MDGA2: variants seen among roughly 807,000 people sequenced by gnomAD.
The protein encoded by MDGA2 is MAM domain containing glycosylphosphatidylinositol anchor 2, also known as MAM domain-containing glycosylphosphatidylinositol anchor protein 2.
In MDGA2, 40 loss-of-function variants were observed where a neutral mutation model predicts 117.8. The observed-to-expected ratio is 0.34, with a 90% confidence interval of 0.26 to 0.44. The LOEUF is 0.44. Among genes scored for constraint, MDGA2 ranks in the 20% least tolerant of loss-of-function variants. The probability of loss-of-function intolerance (pLI) is 1.00; values close to 1 mark genes in which losing one functional copy is unlikely to be tolerated. For missense variants in MDGA2, 1,123 were observed against 1,250.6 expected, an observed-to-expected ratio of 0.90 and a Z score of 1.54; for synonymous variants, 452 against 439.0, an observed-to-expected ratio of 1.03 and a Z score of -0.37.
intron 14 of MDGA2, among the ~76,000 whole-genome samples, chr14:46,856,330 C>A (rs1566492909): frequency 1.3e-5 from 2 of 151,632 alleles, no homozygotes; most frequent in Non-Finnish European, 2.9e-5. Context: ...TAGTTTTAGA[C>A]TAATGTCTAC....
rs530839864 is a variant in MDGA2 at position 47,147,731 on chromosome 14, T to G, written c.596-3457A>C. ...AGTCAGATCTACTTGCTAGGTGTGA[T>G]AAATCTATCTGTGAAAAGCTATTCC... On this transcript the variant is annotated intron_variant, in intron 3 of 16. Transcript: ENST00000399232. Among the ~76,000 whole-genome samples, 13 of 152,312 alleles carry G rather than the reference T, an allele frequency of 8.5e-5. No individual in the cohort carries two copies. In the South Asian group the frequency reaches 2.3e-3, roughly 27 times the overall value.
chr14:47,577,163 G>A (rs535042032), intron 1 of MDGA2, among the ~76,000 whole-genome samples: 1 of 152,170 alleles, frequency 6.6e-6, no homozygotes, highest in South Asian at 2.1e-4. Flanking sequence ...GTAGAAATAA[G>A]CTGCTTGACA....
At chr14:46,908,675 C>T (rs999032028) in intron 10 of MDGA2, among the ~76,000 whole-genome samples, 4 of 152,116 alleles carry the variant, frequency 2.6e-5, no homozygotes, top group Admixed American at 6.6e-5. Flanking sequence ...CTGAAGATTT[C>T]TAATTTCTTA....
chr14:46,874,714 A>G (rs1882154053), intron 12 of MDGA2, among the ~76,000 whole-genome samples: 1 of 151,900 alleles, frequency 6.6e-6, no homozygotes, highest in Non-Finnish European at 1.5e-5. Context: ...AATTATTTTG[A>G]AAAGTATTTA....
chr14:46,923,032 T>C (rs1884193353), intron 9 of MDGA2, among the ~76,000 whole-genome samples: 1 of 152,234 alleles, frequency 6.6e-6, no homozygotes, highest in Non-Finnish European at 1.5e-5. Flanking sequence ...ATTATTTATC[T>C]AAATGAACAC....
Position 47,580,636 on chromosome 14 carries a change from A to G in MDGA2, c.280+93881T>C, listed in dbSNP as rs548737574. Among the ~76,000 whole-genome samples, 7 of 152,156 alleles carry G rather than the reference A, an allele frequency of 4.6e-5. 1 individual carries two copies. The South Asian group carries it at 1.2e-3, about 27-fold the overall frequency. ...CAGTAATCTCTGAAAAGAGGAGACT[A>G]CATGGAGTCTCTATATATTTGAAAG... On this transcript the variant is annotated intron_variant, in intron 1 of 16. Transcript: ENST00000399232.
At chr14:47,133,118 A>C (rs12893683) in intron 4 of MDGA2, among the ~76,000 whole-genome samples, 54,417 of 150,792 alleles carry the variant, frequency 0.36, 10,244 homozygotes, top group African/African-American at 0.47. Context: ...AAAAAAAAAA[A>C]AAACAAACAA....
intron 1 of MDGA2, among the ~76,000 whole-genome samples, chr14:47,404,467 T>C (rs1462979770): frequency 1.3e-5 from 2 of 150,846 alleles, no homozygotes; most frequent in Non-Finnish European, 1.5e-5. Flanking sequence ...GTTATAGGCG[T>C]GAGCCACAGC....
intron 1 of MDGA2, among the ~76,000 whole-genome samples, chr14:47,628,934 A>G (rs895157737): frequency 6.6e-5 from 10 of 152,230 alleles, no homozygotes; most frequent in African/African-American, 2.4e-4. Context: ...AAGGCTGAAG[A>G]GCCATCCCAC....
At chr14:47,364,207 G>A (rs1237124598) in intron 1 of MDGA2, among the ~76,000 whole-genome samples, 2 of 152,230 alleles carry the variant, frequency 1.3e-5, no homozygotes, top group East Asian at 3.9e-4. Flanking sequence ...TAAAGAGTAA[G>A]TATACATGTA....
intron 1 of MDGA2, among the ~76,000 whole-genome samples, chr14:47,350,611 CAATATA>C (rs1890857958): frequency 6.6e-6 from 1 of 152,090 alleles, no homozygotes. Context: ...GAGTGTAAGA[CAATATA>C]AATAATTGAA....
chr14:46,887,603 C>T (rs1882723020), intron 10 of MDGA2, among the ~76,000 whole-genome samples: 1 of 151,966 alleles, frequency 6.6e-6, no homozygotes, highest in East Asian at 1.9e-4. Flanking sequence ...ACTGAATTTA[C>T]ATACAGTGGT....
intron 1 of MDGA2, among the ~76,000 whole-genome samples, chr14:47,392,304 T>A (rs11157558): frequency 0.98 from 149,397 of 152,224 alleles, 73,374 homozygotes; most frequent in East Asian, 1. Flanking sequence ...GAAGCAAATG[T>A]TCCAGCATTT....
intron 5 of MDGA2, among the ~76,000 whole-genome samples, chr14:47,102,911 T>C (rs927862614): frequency 2.2e-4 from 33 of 152,182 alleles, no homozygotes; most frequent in African/African-American, 8.0e-4. Context: ...ACACCCACTG[T>C]GTCTGCTATG....
Position 47,033,510 on chromosome 14 carries a change from A to G in MDGA2, c.1819+1501T>C, listed in dbSNP as rs117278589. Reference sequence around the variant, plus strand: ...GTCACTTAAGGGTATCTCATTTTTTAGAAAATGGGAAGCAGTTTCACTCTC... The same window carrying G: ...GTCACTTAAGGGTATCTCATTTTTTGGAAAATGGGAAGCAGTTTCACTCTC... On this transcript the variant is annotated intron_variant, in intron 8 of 16. Coordinates refer to ENST00000399232, the MANE Select transcript of MDGA2 (RefSeq NM_001113498.3). Among the ~76,000 whole-genome samples the G allele has an allele frequency of 5.7e-3, 870 of 152,318 alleles. 8 individuals are homozygous for G. Among genetic ancestry groups the G allele is most frequent in the Non-Finnish European group, 5.9e-3 (401 of 68,016 alleles).
chr14:46,944,598 C>A (rs1235830920), intron 9 of MDGA2, among the ~76,000 whole-genome samples: 1 of 151,716 alleles, frequency 6.6e-6, no homozygotes, highest in African/African-American at 2.4e-5. Context: ...ATATTGTGCC[C>A]CATGTTCTTA....
Position 47,200,551 on chromosome 14 carries a change from A to ATTT in MDGA2, c.595+17469_595+17470insAAA, listed in dbSNP as rs1885462921. ...TTTCTTTTCTTTTTTTTTTTTTTTG[A>ATTT]GGAGTTAACAGTCTTTATTGGGCTC... On this transcript the variant is annotated intron_variant, in intron 3 of 16. Transcript: ENST00000399232. The ATTT allele has an allele frequency of 2.7e-4, 72 of 266,864 alleles. 1 individual carries two copies. In the African/African-American group the frequency reaches 4.3e-3, roughly 16 times the overall value. 16.5% of individuals were successfully genotyped at this position (266,864 alleles called of 1,614,324 possible). A position where few individuals can be genotyped will look rare whatever the true frequency, so the allele number is the denominator to read the frequency against.
chr14:47,022,191 G>C (rs1594536333), intron 8 of MDGA2, among the ~76,000 whole-genome samples: 1 of 152,160 alleles, frequency 6.6e-6, no homozygotes, highest in African/African-American at 2.4e-5. Flanking sequence ...GCTCAGGTAA[G>C]TCTTCCACCT....
rs1271766641 is a variant in MDGA2 at position 47,096,943 on chromosome 14, A to T, written c.1106T>A (p.Ile369Asn). 6.2e-7 allele frequency: 1 copy of T among 1,613,324 alleles called. No homozygotes were observed. The highest frequency in any genetic ancestry group is 8.5e-7 in the Non-Finnish European group (1 of 1,179,470). ...LNGGTLTIPA[I>N]TSDDAGTYSC... Reference sequence around the variant, plus strand: ...GTAAGTACCAGCATCATCTGAGGTGATGGCAGGTATGGTCAAAGTTCCTCC... The same window carrying T: ...GTAAGTACCAGCATCATCTGAGGTGTTGGCAGGTATGGTCAAAGTTCCTCC... The change falls in exon 6 of 17, where the codon ATC becomes AAC. Residue 369 changes from isoleucine (I) to asparagine (N), a missense_variant. Physicochemically the swap from Ile to Asn is moderately radical, Grantham distance 149 (BLOSUM62 -3). Coordinates refer to ENST00000399232, the MANE Select transcript of MDGA2 (RefSeq NM_001113498.3).
Sources: allele counts gnomAD v4.1 joint callset (sites outside exome capture counted in the v4.1 genomes callset), GRCh38; gene constraint gnomAD v4.1.1; transcripts MANE v1.5; gene names NCBI Gene and HGNC (gene_info 2026-07-23, HGNC 2026-07-21).